The following KLHL29 variants were observed in gnomAD, a reference collection of about 807,000 sequenced individuals.
The protein encoded by KLHL29 is kelch like family member 29.
Under a neutral mutation model 80.4 loss-of-function variants are expected in KLHL29, and 21 were observed. That is an observed-to-expected ratio of 0.26 (90% CI 0.19 to 0.38). KLHL29 has a LOEUF of 0.38. KLHL29 is among the 10% of genes least tolerant of loss of function. The pLI is 1.00. For synonymous variants in KLHL29, 511 were observed against 526.8 expected, an observed-to-expected ratio of 0.97 and a Z score of 0.41; for missense variants, 867 against 1,223.9, an observed-to-expected ratio of 0.71 and a Z score of 4.35.
In KLHL29 at chr2:23,700,406, C is replaced by T. The variant is rs1010858442; in HGVS notation, c.2106-2780C>T. On this transcript the variant is annotated intron_variant, in intron 11 of 13. Transcript: ENST00000486442. This position sits in a 1 kb window ranked among gnomAD's most constrained non-coding sequence, Gnocchi z 4.6. Reference sequence around the variant, plus strand: ...TAATTTTTTACTACATGTTACTACTCTCTTGGGCCTTGAGGTTATATATGC... The same window carrying T: ...TAATTTTTTACTACATGTTACTACTTTCTTGGGCCTTGAGGTTATATATGC... Among the ~76,000 whole-genome samples, 1 of 152,198 alleles carries T rather than the reference C, an allele frequency of 6.6e-6. No homozygotes were observed. Among genetic ancestry groups the T allele is most frequent in the Non-Finnish European group, 1.5e-5 (1 of 68,038 alleles).
rs992538435 is a variant in KLHL29, at chr2:23,502,816, C to T, written c.-46+27149C>T. Among the ~76,000 whole-genome samples the T allele has an allele frequency of 4.6e-5, 7 of 152,290 alleles. 1 individual carries two copies. In the South Asian group the frequency reaches 1.0e-3, roughly 23 times the overall value. On this transcript the variant is annotated intron_variant, in intron 2 of 13. Coordinates refer to ENST00000486442, the MANE Select transcript of KLHL29 (RefSeq NM_052920.2). ...CCTGCATCTGTCTCTCCAAGCACCA[C>T]GGACACTTCCAGATAGAAGAAGCCA...
intron 3 of KLHL29, among the ~76,000 whole-genome samples, chr2:23,623,435 A>G (rs1213266954): frequency 1.3e-5 from 2 of 152,190 alleles, no homozygotes; most frequent in Non-Finnish European, 2.9e-5. Flanking sequence ...AATTGTTACC[A>G]TCTGTTTCCC....
intron 1 of KLHL29, among the ~76,000 whole-genome samples, chr2:23,442,866 C>T (rs888733704): frequency 1.3e-5 from 2 of 152,128 alleles, no homozygotes. Flanking sequence ...AGACCAGAAT[C>T]TCATGTCATT....
intron 1 of KLHL29, among the ~76,000 whole-genome samples, chr2:23,437,813 G>A (rs1360262063): frequency 6.6e-6 from 1 of 152,196 alleles, no homozygotes; most frequent in African/African-American, 2.4e-5. Flanking sequence ...GGTTCCACAT[G>A]AACTTCAAAG....
At position 23,669,225 on chromosome 2, in the gene KLHL29, G is replaced by A. The variant is rs370060749; in HGVS notation, c.941-15174G>A. ...GCAGACACCTCTCTGCCCCTGCTGG[G>A]TGCTCAGTGCTGGGAGTCCCTGTCC... On this transcript the variant is annotated intron_variant, in intron 5 of 13. Transcript: ENST00000486442. This position sits in a 1 kb window ranked among gnomAD's most constrained non-coding sequence, Gnocchi z 4.3. 1.3e-5 allele frequency: 2 copies of A among 152,442 alleles called. No homozygotes were observed. The highest frequency in any genetic ancestry group is 2.9e-5 in the Non-Finnish European group (2 of 68,122). The allele number at this position is 152,442 out of a possible 1,614,324, so 9.4% of individuals were successfully genotyped here.
At chr2:23,676,759 CT>C (rs1403274275) in intron 5 of KLHL29, among the ~76,000 whole-genome samples, 1 of 152,178 alleles carries the variant, frequency 6.6e-6, no homozygotes, top group Non-Finnish European at 1.5e-5. Context: ...TGCCTGTGAA[CT>C]TAGAGAGTTG....
chr2:23,445,696 T>A (rs1294042591), intron 1 of KLHL29, among the ~76,000 whole-genome samples: 2 of 152,264 alleles, frequency 1.3e-5, no homozygotes, highest in Non-Finnish European at 2.9e-5. Flanking sequence ...CTCTGGGGGC[T>A]GTACCATTTT....
intron 3 of KLHL29, among the ~76,000 whole-genome samples, chr2:23,587,128 A>G (rs924769361): frequency 1.2e-4 from 18 of 151,932 alleles, no homozygotes; most frequent in Non-Finnish European, 1.0e-4. Flanking sequence ...AATTGCAGCA[A>G]TTTTGCACTG....
rs1057244168 is a variant in KLHL29, at chr2:23,682,021, G to C, written c.941-2378G>C. ...TACCCCATCCCCCAGGTGTCCCACAGGCCCCACCCCACAACTGATCTTCTT... is the reference window on the plus strand; with the variant it reads ...TACCCCATCCCCCAGGTGTCCCACACGCCCCACCCCACAACTGATCTTCTT... On this transcript the variant is annotated intron_variant, in intron 5 of 13. Transcript: ENST00000486442. The surrounding 1 kb of genome is among the most constrained non-coding windows in gnomAD (Gnocchi z 4.1). Among the ~76,000 whole-genome samples the C allele has an allele frequency of 6.6e-6, 1 of 151,650 alleles. No individual in the cohort carries two copies. Among genetic ancestry groups the C allele is most frequent in the Non-Finnish European group, 1.5e-5 (1 of 67,926 alleles).
chr2:23,503,107 A>G lies in KLHL29; in HGVS notation c.-46+27440A>G, dbSNP rs1020374076. ...GAATGTCGTAGTTGTGCCCTTTGTA[A>G]AATTACCCCAGGGCATGATAAGAAA... On this transcript the variant is annotated intron_variant, in intron 2 of 13. Coordinates refer to ENST00000486442, the MANE Select transcript of KLHL29 (RefSeq NM_052920.2). The surrounding 1 kb of genome is among the most constrained non-coding windows in gnomAD (Gnocchi z 4.0). Among the ~76,000 whole-genome samples, 2 of 152,188 alleles carry G rather than the reference A, an allele frequency of 1.3e-5. No individual in the cohort carries two copies. The highest frequency in any genetic ancestry group is 4.8e-5 in the African/African-American group (2 of 41,434).
chr2:23,672,630 C>G (rs913469881), intron 5 of KLHL29: 1 of 152,618 alleles, frequency 6.6e-6, no homozygotes, highest in East Asian at 1.9e-4. Context: ...TCATCCAGCT[C>G]CTCACTGTGG....
intron 1 of KLHL29, among the ~76,000 whole-genome samples, chr2:23,472,099 A>G (rs987702292): frequency 3.1e-5 from 4 of 128,936 alleles, no homozygotes; most frequent in East Asian, 2.7e-4. Context: ...GATACTGTCT[A>G]TTAAGCCCAG....
At chr2:23,614,639 G>A (rs1224616403) in intron 3 of KLHL29, among the ~76,000 whole-genome samples, 1 of 152,132 alleles carries the variant, frequency 6.6e-6, no homozygotes, top group Admixed American at 6.5e-5. Context: ...ATATTGATAA[G>A]TGCAATGGAG....
chr2:23,670,917 G>GCGCGCGCACT (rs150131401), intron 5 of KLHL29, among the ~76,000 whole-genome samples: 270 of 18,566 alleles, frequency 0.015, 98 homozygotes, highest in Middle Eastern at 0.038. Flanking sequence ...ACATGCACGC[G>GCGCGCGCACT]CTCTCTCTCT....
At chr2:23,427,440 C>A (rs1017414658) in intron 1 of KLHL29, among the ~76,000 whole-genome samples, 2 of 152,156 alleles carry the variant, frequency 1.3e-5, no homozygotes, top group Non-Finnish European at 2.9e-5. Flanking sequence ...GCGGAAATAA[C>A]ATTTTTTAAA....
intron 6 of KLHL29, 146 bp from the exon 7 acceptor site, chr2:23,691,528 C>G: frequency 1.6e-6 from 1 of 637,576 alleles, no homozygotes; most frequent in Non-Finnish European, 2.8e-6. Flanking sequence ...CGTGTCACAG[C>G]ATTAGGTTCA....
At chr2:23,621,176 CCAG>C (rs201529828) in intron 3 of KLHL29, among the ~76,000 whole-genome samples, 162 of 152,080 alleles carry the variant, frequency 1.1e-3, no homozygotes, top group Admixed American at 3.7e-3. Flanking sequence ...CAGTTCTCAC[CCAG>C]CAGCAGCAGC....
chr2:23,515,583 T>G (rs1237026725), intron 2 of KLHL29, among the ~76,000 whole-genome samples: 1 of 152,106 alleles, frequency 6.6e-6, no homozygotes, highest in Non-Finnish European at 1.5e-5. Flanking sequence ...ACTGTAAAGG[T>G]CCACCCTTAA....
rs562794446 is a variant in KLHL29 at position 23,638,437 on chromosome 2, G to A, written c.286-702G>A. Among the ~76,000 whole-genome samples the A allele has an allele frequency of 1.7e-3, 256 of 151,574 alleles. 1 individual carries two copies. The highest frequency in any genetic ancestry group is 5.9e-3 in the African/African-American group (244 of 41,232). On this transcript the variant is annotated intron_variant, in intron 3 of 13. Transcript: ENST00000486442. Reference sequence around the variant, plus strand: ...TATTTTTTCCTTCATCTACAAATCTGAACTAGAGAGTGGGCTCATGGAGCA... The same window carrying A: ...TATTTTTTCCTTCATCTACAAATCTAAACTAGAGAGTGGGCTCATGGAGCA...
Sources: gnomAD v4.1 joint callset for allele counts (sites outside exome capture counted in the v4.1 genomes callset) on GRCh38, gnomAD v4.1.1 for gene constraint, Gnocchi (gnomAD v3.1) non-coding constraint, MANE v1.5 for transcripts, NCBI Gene and HGNC (gene_info 2026-07-23, HGNC 2026-07-21) for gene names.